VOPP1: variants seen among roughly 807,000 people sequenced by gnomAD.
VOPP1 encodes the protein WW domain binding protein VOPP1.
In VOPP1, 8 loss-of-function variants were observed where a neutral mutation model predicts 23.5. The ratio of observed to expected loss-of-function variants is 0.34; its 90% CI spans 0.20 to 0.61. The LOEUF is 0.61. Ranked by LOEUF, VOPP1 falls within the 20% of genes least tolerant of loss-of-function variation. The probability of loss-of-function intolerance (pLI) is 0.78; values close to 1 mark genes in which losing one functional copy is unlikely to be tolerated. For synonymous variants in VOPP1, 83 were observed against 97.3 expected (o/e 0.85, Z 0.86); for missense variants, 174 against 238.1 (o/e 0.73, Z 1.77).
At chr7:55,466,380 C>T (rs1791632186), downstream of VOPP1, among the ~76,000 whole-genome samples, 1 of 152,150 alleles carries the variant, frequency 6.6e-6, no homozygotes. Context: ...GGGAGGGACT[C>T]CTCTCCCCTC....
intron 1 of VOPP1, among the ~76,000 whole-genome samples, chr7:55,539,960 C>G (rs953604601): frequency 6.8e-6 from 1 of 146,940 alleles, no homozygotes; most frequent in African/African-American, 2.5e-5. Flanking sequence ...AATAAGGAAA[C>G]AGCAGGAACA....
At position 55,562,262 on chromosome 7, in the gene VOPP1, G is replaced by A. The variant is rs115175056; in HGVS notation, c.54+10009C>T. Among the ~76,000 whole-genome samples the A allele has an allele frequency of 5.9e-4, 90 of 152,266 alleles. 1 individual carries two copies. Among genetic ancestry groups the A allele is most frequent in the African/African-American group, 2.1e-3 (87 of 41,556 alleles). ...TGCTTTCCTAAAGCTGACTGCCTGAGACACAGGCCCTGGTCCGGATGCTGG... is the reference window on the plus strand; with the variant it reads ...TGCTTTCCTAAAGCTGACTGCCTGAAACACAGGCCCTGGTCCGGATGCTGG... On this transcript the variant is annotated intron_variant, in intron 1 of 4. Transcript: ENST00000285279.
chr7:55,507,744 A>G (rs1794825291), intron 2 of VOPP1, among the ~76,000 whole-genome samples: 1 of 152,168 alleles, frequency 6.6e-6, no homozygotes, highest in Non-Finnish European at 1.5e-5. Context: ...CTGGCCTGAC[A>G]TGGTTTCCCT....
rs180730379 is a variant in VOPP1, at chr7:55,551,996, T to C, written c.54+20275A>G. 5.4e-3 allele frequency among the ~76,000 whole-genome samples: 685 copies of C among 127,014 alleles called. 3 individuals are homozygous for C. The highest frequency in any genetic ancestry group is 8.1e-3 in the Admixed American group (77 of 9,484). 83.3% of individuals were successfully genotyped at this position (127,014 alleles called of 152,430 possible). ...CAGAGGTTGCAGTGACCCTGCAGCC[T>C]GGGCAACAAGAGTGAGACTGTGTCC... is the stretch of plus-strand genomic sequence containing the variant. On this transcript the variant is annotated intron_variant, in intron 1 of 4. Transcript: ENST00000285279.
At chr7:55,460,039 C>T (rs542179600) in intron 4 of VOPP1, among the ~76,000 whole-genome samples, 1 of 148,254 alleles carries the variant, frequency 6.7e-6, no homozygotes, top group East Asian at 2.0e-4. Context: ...TTTTCTGTAT[C>T]CCATAGGTGT....
chr7:55,469,193 T>C (rs191618069), downstream of VOPP1, among the ~76,000 whole-genome samples: 100 of 152,234 alleles, frequency 6.6e-4, no homozygotes, highest in Admixed American at 5.1e-3. Context: ...CCTTGGACGA[T>C]TGTCGGGAAG....
chr7:55,545,863 G>GT (rs1243694329), intron 1 of VOPP1, among the ~76,000 whole-genome samples: 1 of 151,994 alleles, frequency 6.6e-6, no homozygotes, highest in East Asian at 1.9e-4. Flanking sequence ...GAGCCCAGGA[G>GT]TTTGAGACCA....
At chr7:55,473,077 A>G in intron 4 of VOPP1, 32 bp from the exon 5 acceptor site, 1 of 1,576,866 alleles carries the variant, frequency 6.3e-7, no homozygotes, top group Non-Finnish European at 8.6e-7. Context: ...GTGAGCACAG[A>G]AGGGAAAGCC....
chr7:55,506,645 CTT>C (rs60854275), intron 2 of VOPP1, among the ~76,000 whole-genome samples: 3 of 151,160 alleles, frequency 2.0e-5, no homozygotes, highest in East Asian at 2.0e-4. Flanking sequence ...CCACAAGCTT[CTT>C]TTTTTTTTGA....
intron 4 of VOPP1, among the ~76,000 whole-genome samples, chr7:55,449,186 G>A (rs951634123): frequency 6.6e-6 from 1 of 152,208 alleles, no homozygotes; most frequent in African/African-American, 2.4e-5. Context: ...GTCCGCTCCC[G>A]GAGCGCCGCG....
At chr7:55,454,237 A>G (rs151336888) in intron 4 of VOPP1, among the ~76,000 whole-genome samples, 134 of 152,310 alleles carry the variant, frequency 8.8e-4, no homozygotes, top group African/African-American at 3.0e-3. Flanking sequence ...CACCCTCCCA[A>G]GACTAAACCA....
At chr7:55,564,236 T>C (rs1185194404) in intron 1 of VOPP1, among the ~76,000 whole-genome samples, 1 of 121,638 alleles carries the variant, frequency 8.2e-6, no homozygotes, top group Non-Finnish European at 1.7e-5. Context: ...TCTTTCTCTC[T>C]GTCTCTGTCT....
chr7:55,450,460 C>G (rs1297189909), intron 4 of VOPP1, among the ~76,000 whole-genome samples: 3 of 152,134 alleles, frequency 2.0e-5, no homozygotes, highest in African/African-American at 7.2e-5. Flanking sequence ...GTGGCCACTC[C>G]AAGTGGAAGT....
chr7:55,491,508 C>T lies in VOPP1; in HGVS notation c.328+774G>A, dbSNP rs1484126435. Among the ~76,000 whole-genome samples the T allele has an allele frequency of 3.3e-5, 5 of 152,180 alleles. No homozygotes were observed. In the East Asian group the frequency reaches 5.8e-4, roughly 18 times the overall value. ...CACCCCTCTGCCCAGCCTCACTCTACACCTGGCCAGAAGACCAGCGCTCTG... is the reference window on the plus strand; with the variant it reads ...CACCCCTCTGCCCAGCCTCACTCTATACCTGGCCAGAAGACCAGCGCTCTG... On this transcript the variant is annotated intron_variant, in intron 4 of 4. Transcript: ENST00000285279.
At chr7:55,497,560 G>C (rs889873797) in intron 3 of VOPP1, 53 bp downstream of exon 3, 13,039 of 1,169,814 alleles carry the variant, frequency 0.011, 108 homozygotes, top group South Asian at 0.013. Flanking sequence ...CTGATGGGGG[G>C]GGGGGGGGGG....
downstream of VOPP1, among the ~76,000 whole-genome samples, chr7:55,435,087 C>G (rs1790791922): frequency 6.6e-6 from 1 of 152,246 alleles, no homozygotes; most frequent in African/African-American, 2.4e-5. Context: ...TGCGCCGCGA[C>G]TTCTATGGCT....
At chr7:55,520,551 A>G (rs990861330) in intron 2 of VOPP1, among the ~76,000 whole-genome samples, 1 of 152,212 alleles carries the variant, frequency 6.6e-6, no homozygotes, top group East Asian at 1.9e-4. Context: ...GGGGCACTGG[A>G]AGGATTATAA....
intron 1 of VOPP1, among the ~76,000 whole-genome samples, chr7:55,568,131 G>A (rs904458281): frequency 8.3e-5 from 12 of 143,964 alleles, no homozygotes; most frequent in African/African-American, 2.6e-4. Flanking sequence ...TCAGGCTGGA[G>A]TGCAGTGGCA....
At position 55,443,042 on chromosome 7, in the gene VOPP1, T is replaced by G. The variant is rs554280022; in HGVS notation, n.418-6868A>C. Among the ~76,000 whole-genome samples the G allele has an allele frequency of 6.8e-5, 10 of 147,042 alleles. No homozygotes were observed. The East Asian group carries it at 8.3e-4, about 12-fold the overall frequency. ...GCTGAGGCAGGAGAATGGCGTGAAC[T>G]CAGGAGGCAGAGCTTGCAGTGAACC... On this transcript the variant is annotated intron_variant and non_coding_transcript_variant, in intron 4 of 4. Coordinates refer to the VOPP1 transcript ENST00000462326.
Sources: gnomAD v4.1 joint callset for allele counts (sites outside exome capture counted in the v4.1 genomes callset) on GRCh38, gnomAD v4.1.1 for gene constraint, MANE v1.5 for transcripts, NCBI Gene and HGNC (gene_info 2026-07-23, HGNC 2026-07-21) for gene names.